Variants in PTPRK observed in about 807,000 individuals in gnomAD.
PTPRK encodes the protein protein tyrosine phosphatase receptor type K, also known as receptor-type tyrosine-protein phosphatase kappa.
A neutral mutation model predicts 178.0 loss-of-function variants in PTPRK; 75 were observed. The ratio of observed to expected loss-of-function variants is 0.42; its 90% CI spans 0.35 to 0.51. The LOEUF (loss-of-function observed/expected upper bound fraction) is 0.51. Among genes scored for constraint, PTPRK ranks in the 20% least tolerant of loss-of-function variants. The pLI, the probability that PTPRK is intolerant of heterozygous loss-of-function variation, is 0.02. For missense variants in PTPRK, 1,441 were observed against 1,797.8 expected, an observed-to-expected ratio of 0.80 and a Z score of 3.59; for synonymous variants, 637 against 620.6, an observed-to-expected ratio of 1.03 and a Z score of -0.39.
intron 26 of PTPRK, 36 bp downstream of exon 26, chr6:127,976,887 T>C (rs751936483): frequency 6.2e-7 from 1 of 1,613,052 alleles, no homozygotes. Context: ...TATTAAGTTG[T>C]ATATAAGTAC....
At chr6:128,333,915 T>C (rs1193865905) in intron 2 of PTPRK, among the ~76,000 whole-genome samples, 1 of 152,170 alleles carries the variant, frequency 6.6e-6, no homozygotes, top group Non-Finnish European at 1.5e-5. Context: ...AGACCTGCAG[T>C]TATTCCTTTA....
intron 2 of PTPRK, among the ~76,000 whole-genome samples, chr6:128,351,708 C>T (rs1464913445): frequency 6.6e-6 from 1 of 152,102 alleles, no homozygotes; most frequent in African/African-American, 2.4e-5. Context: ...TGCAATGAAA[C>T]TTACATGAAA....
At chr6:128,490,785 A>T (rs1417368922) in intron 1 of PTPRK, among the ~76,000 whole-genome samples, 1 of 152,212 alleles carries the variant, frequency 6.6e-6, no homozygotes. Flanking sequence ...AGAGGCTGAA[A>T]GTCCAAGATC....
intron 3 of PTPRK, among the ~76,000 whole-genome samples, chr6:128,291,690 C>G (rs940165556): frequency 6.6e-6 from 1 of 152,158 alleles, no homozygotes; most frequent in African/African-American, 2.4e-5. Flanking sequence ...CCTTTCTCAA[C>G]TGGGATCACC....
chr6:128,510,184 C>T (rs1856963881), intron 1 of PTPRK, among the ~76,000 whole-genome samples: 1 of 152,160 alleles, frequency 6.6e-6, no homozygotes, highest in African/African-American at 2.4e-5. Flanking sequence ...TGTGCCAGGC[C>T]AGCTGCCCTG....
chr6:128,218,225 T>C (rs1429830799), intron 6 of PTPRK, among the ~76,000 whole-genome samples: 1 of 152,220 alleles, frequency 6.6e-6, no homozygotes, highest in Non-Finnish European at 1.5e-5. Flanking sequence ...AGGGACATTG[T>C]ATTACATTTA....
intron 3 of PTPRK, among the ~76,000 whole-genome samples, chr6:128,302,797 T>C (rs1438430939): frequency 6.6e-6 from 1 of 152,122 alleles, no homozygotes; most frequent in Non-Finnish European, 1.5e-5. Context: ...CTTAGCTCCT[T>C]CTCACTTCTG....
intron 3 of PTPRK, among the ~76,000 whole-genome samples, chr6:128,271,006 C>CAAG (rs1819726473): frequency 6.6e-6 from 1 of 151,656 alleles, no homozygotes; most frequent in Non-Finnish European, 1.5e-5. Flanking sequence ...CCACTTTGGG[C>CAAG]AAGTAAGATT....
At chr6:128,382,399 A>G (rs1838065298) in intron 2 of PTPRK, among the ~76,000 whole-genome samples, 1 of 136,952 alleles carries the variant, frequency 7.3e-6, no homozygotes, top group Non-Finnish European at 1.6e-5. Flanking sequence ...AAGAAAACCT[A>G]TATGAAAATT....
chr6:128,119,008 A>G (rs1398759785), intron 7 of PTPRK, among the ~76,000 whole-genome samples: 1 of 152,178 alleles, frequency 6.6e-6, no homozygotes, highest in Non-Finnish European at 1.5e-5. Context: ...AGTGAGAAAC[A>G]TTATTTAAAT....
chr6:127,997,139 G>C (rs1300283895), intron 16 of PTPRK, 151 bp from the exon 17 acceptor site: 1 of 739,816 alleles, frequency 1.4e-6, no homozygotes, highest in Non-Finnish European at 2.2e-6. Flanking sequence ...AGACCTCAAA[G>C]CCGCTTTGTT....
At chr6:128,304,211 G>A (rs1257704056) in intron 3 of PTPRK, among the ~76,000 whole-genome samples, 1 of 152,168 alleles carries the variant, frequency 6.6e-6, no homozygotes, top group African/African-American at 2.4e-5. Context: ...TAGTTAGAAG[G>A]AGAAACATAG....
At chr6:128,125,041 G>A (rs924048130) in intron 7 of PTPRK, among the ~76,000 whole-genome samples, 2 of 152,182 alleles carry the variant, frequency 1.3e-5, no homozygotes, top group East Asian at 3.8e-4. Context: ...AATTTCATGA[G>A]CTGCTTTCTA....
intron 7 of PTPRK, among the ~76,000 whole-genome samples, chr6:128,171,281 A>G (rs901887581): frequency 6.6e-5 from 10 of 152,052 alleles, no homozygotes; most frequent in Admixed American, 3.9e-4. Flanking sequence ...GAAATGATGC[A>G]GTATTTGTCA....
chr6:128,461,868 G>C (rs1171309220), intron 1 of PTPRK, among the ~76,000 whole-genome samples: 2 of 152,108 alleles, frequency 1.3e-5, no homozygotes, highest in Non-Finnish European at 2.9e-5. Flanking sequence ...ATTTTGACTT[G>C]TTTATTTTAG....
intron 1 of PTPRK, among the ~76,000 whole-genome samples, chr6:128,485,235 A>T (rs1435164306): frequency 6.6e-6 from 1 of 152,238 alleles, no homozygotes; most frequent in African/African-American, 2.4e-5. Context: ...TGGTTATATT[A>T]GTACACATCA....
At chr6:128,413,865 C>G (rs1025612913) in intron 1 of PTPRK, among the ~76,000 whole-genome samples, 1 of 152,092 alleles carries the variant, frequency 6.6e-6, no homozygotes, top group Admixed American at 6.5e-5. Context: ...TTGCCTTTTT[C>G]TTACTCAAAC....
intron 11 of PTPRK, among the ~76,000 whole-genome samples, chr6:128,077,033 A>C (rs573289622): frequency 1.5e-4 from 23 of 152,218 alleles, no homozygotes; most frequent in Non-Finnish European, 2.5e-4. Flanking sequence ...GTGATGCAAA[A>C]ATAATAAAAA....
intron 1 of PTPRK, among the ~76,000 whole-genome samples, chr6:128,447,129 T>C (rs1000774279): frequency 6.6e-6 from 1 of 152,200 alleles, no homozygotes; most frequent in African/African-American, 2.4e-5. Context: ...CATCACTCTC[T>C]ATGAAATCAT....
Sources: gnomAD v4.1 joint callset for allele counts (sites outside exome capture counted in the v4.1 genomes callset) on GRCh38, gnomAD v4.1.1 for gene constraint, MANE v1.5 for transcripts, NCBI Gene and HGNC (gene_info 2026-07-23, HGNC 2026-07-21) for gene names.